The following INPP4B variants were observed in gnomAD, a reference collection of about 807,000 sequenced individuals.
INPP4B encodes inositol polyphosphate 4-phosphatase type II.
Under a neutral mutation model 122.5 loss-of-function variants are expected in INPP4B, and 55 were observed. The observed-to-expected ratio is 0.45, with a 90% CI of 0.36 to 0.56. INPP4B has a LOEUF of 0.56. Among genes scored for constraint, INPP4B ranks in the 20% least tolerant of loss-of-function variants. The pLI, the probability that INPP4B is intolerant of heterozygous loss-of-function variation, is 0.00. For synonymous variants in INPP4B, 403 were observed against 388.7 expected, an observed-to-expected ratio of 1.04 and a Z score of -0.43; for missense variants, 1,000 against 1,097.7, an observed-to-expected ratio of 0.91 and a Z score of 1.26.
intron 7 of INPP4B, among the ~76,000 whole-genome samples, chr4:142,402,245 A>G (rs1801862782): frequency 6.6e-6 from 1 of 152,186 alleles, no homozygotes; most frequent in Non-Finnish European, 1.5e-5. Context: ...AATGGAAGAA[A>G]TTTAAAGGAG....
intron 2 of INPP4B, among the ~76,000 whole-genome samples, chr4:142,496,077 T>C (rs1453698488): frequency 6.6e-6 from 1 of 152,166 alleles, no homozygotes; most frequent in Non-Finnish European, 1.5e-5. Context: ...TCAGTTTTTG[T>C]AGTTTAATCA....
At chr4:142,364,487 C>T (rs1786673684) in intron 7 of INPP4B, among the ~76,000 whole-genome samples, 1 of 151,990 alleles carries the variant, frequency 6.6e-6, no homozygotes, top group Non-Finnish European at 1.5e-5. Context: ...TCTAGCATTT[C>T]AGTGATTTCC....
chr4:142,621,082 G>A (rs1744824475), intron 2 of INPP4B, among the ~76,000 whole-genome samples: 1 of 151,506 alleles, frequency 6.6e-6, no homozygotes, highest in Non-Finnish European at 1.5e-5. Context: ...ATATCCAGTA[G>A]GAAACCAATA....
In INPP4B at chr4:142,759,471, T is replaced by C. The variant is rs530350996; in HGVS notation, c.-253-33570A>G. Among the ~76,000 whole-genome samples, 7 of 152,228 alleles carry C rather than the reference T, an allele frequency of 4.6e-5. No individual in the cohort carries two copies. In the South Asian group the frequency reaches 1.2e-3, roughly 27 times the overall value. ...CTTCCTCTTCAAATCTTTGATGATA[T>C]CAACTCAAAATGAATTACCTATCCC... On this transcript the variant is annotated intron_variant, in intron 1 of 25. Transcript: ENST00000262992.
intron 2 of INPP4B, among the ~76,000 whole-genome samples, chr4:142,483,064 C>T (rs1820754535): frequency 6.6e-6 from 1 of 151,652 alleles, no homozygotes; most frequent in Admixed American, 6.6e-5. Flanking sequence ...GCATAGTCCC[C>T]CCAAAATAAG....
chr4:142,110,503 T>C (rs1004926981), intron 22 of INPP4B, among the ~76,000 whole-genome samples: 1 of 152,194 alleles, frequency 6.6e-6, no homozygotes, highest in South Asian at 2.1e-4. Flanking sequence ...CTAGATTACA[T>C]AGCATATCTA....
chr4:142,410,132 G>A (rs1192518771), intron 5 of INPP4B, among the ~76,000 whole-genome samples: 1 of 152,200 alleles, frequency 6.6e-6, no homozygotes, highest in Non-Finnish European at 1.5e-5. Context: ...AGAGAGCTCA[G>A]TCTCAGCAAT....
chr4:142,271,876 C>A (rs2636684), intron 9 of INPP4B, among the ~76,000 whole-genome samples: 151,343 of 152,314 alleles, frequency 0.99, 75,194 homozygotes, highest in Middle Eastern at 1. Context: ...GATAAGTTTA[C>A]GAGCCACACT....
chr4:142,043,691 A>C (rs1452765704), intron 25 of INPP4B, among the ~76,000 whole-genome samples: 1 of 152,188 alleles, frequency 6.6e-6, no homozygotes, highest in Non-Finnish European at 1.5e-5. Flanking sequence ...TATTTTATAC[A>C]TTTTCTAAAA....
chr4:142,362,109 G>A (rs1204887410), intron 7 of INPP4B, among the ~76,000 whole-genome samples: 1 of 151,958 alleles, frequency 6.6e-6, no homozygotes, highest in Non-Finnish European at 1.5e-5. Flanking sequence ...TGGGATGCTG[G>A]GAAGAGATTA....
chr4:142,608,711 G>A (rs1580490642), intron 2 of INPP4B, among the ~76,000 whole-genome samples: 2 of 152,204 alleles, frequency 1.3e-5, no homozygotes, highest in South Asian at 4.2e-4. Context: ...GACCAGTTTC[G>A]TTGAGTCCCT....
intron 2 of INPP4B, among the ~76,000 whole-genome samples, chr4:142,463,112 C>G (rs1560686312): frequency 6.6e-6 from 1 of 152,210 alleles, no homozygotes; most frequent in South Asian, 2.1e-4. Context: ...AGAAAGGTGA[C>G]TCTTCAAGTC....
At chr4:142,156,025 A>C (rs1816983330) in intron 17 of INPP4B, among the ~76,000 whole-genome samples, 1 of 149,186 alleles carries the variant, frequency 6.7e-6, no homozygotes, top group Admixed American at 6.7e-5. Context: ...TAGCTTAAGA[A>C]AGAAGACTAA....
At chr4:142,505,719 G>T (rs1375690517) in intron 2 of INPP4B, among the ~76,000 whole-genome samples, 5 of 152,084 alleles carry the variant, frequency 3.3e-5, no homozygotes, top group African/African-American at 1.2e-4. Flanking sequence ...TGATTTTGAG[G>T]TTCAAGCATA....
chr4:142,213,162 A>G (rs913743848), intron 12 of INPP4B, among the ~76,000 whole-genome samples: 4 of 152,320 alleles, frequency 2.6e-5, no homozygotes, highest in African/African-American at 9.6e-5. Flanking sequence ...CAGTGAAGGC[A>G]CTGTGAGAGG....
chr4:142,692,088 G>A (rs1287769882), intron 2 of INPP4B, among the ~76,000 whole-genome samples: 6 of 151,924 alleles, frequency 3.9e-5, no homozygotes, highest in Admixed American at 3.9e-4. Flanking sequence ...AGAAGCCGCA[G>A]ATGGCACAAA....
chr4:142,725,485 G>T (rs568904931), intron 2 of INPP4B, among the ~76,000 whole-genome samples: 101 of 152,088 alleles, frequency 6.6e-4, no homozygotes, highest in African/African-American at 2.2e-3. Context: ...CCTAACAAGG[G>T]TCTAATGCTG....
At chr4:142,261,711 G>A (rs1191938237) in intron 10 of INPP4B, among the ~76,000 whole-genome samples, 2 of 152,034 alleles carry the variant, frequency 1.3e-5, no homozygotes, top group African/African-American at 4.8e-5. Flanking sequence ...GTACACTGAG[G>A]TCACTTTTAA....
At chr4:142,793,920 T>C (rs1211162718) in intron 1 of INPP4B, among the ~76,000 whole-genome samples, 1 of 152,022 alleles carries the variant, frequency 6.6e-6, no homozygotes, top group African/African-American at 2.4e-5. Flanking sequence ...ACTAAACAAA[T>C]GGATAGATGT....
Sources: allele counts gnomAD v4.1 joint callset (sites outside exome capture counted in the v4.1 genomes callset), GRCh38; gene constraint gnomAD v4.1.1; transcripts MANE v1.5; gene names NCBI Gene and HGNC (gene_info 2026-07-23, HGNC 2026-07-21).